BMPR2: variants seen among roughly 807,000 people sequenced by gnomAD.
BMPR2 encodes the protein bone morphogenetic protein receptor type-2.
In BMPR2, 29 loss-of-function variants were observed where a neutral mutation model predicts 100.8. That is an observed-to-expected ratio of 0.29 (90% CI 0.21 to 0.39). BMPR2 has a LOEUF of 0.39. Among genes scored for constraint, BMPR2 ranks in the 10% least tolerant of loss-of-function variants. The probability of loss-of-function intolerance (pLI) is 1.00; values close to 1 mark genes in which losing one functional copy is unlikely to be tolerated. For missense variants in BMPR2, 1,011 were observed against 1,274.5 expected (o/e 0.79, Z 3.15); for synonymous variants, 382 against 442.3 (o/e 0.86, Z 1.71).
intron 1 of BMPR2, among the ~76,000 whole-genome samples, chr2:202,448,392 A>G (rs1691899927): frequency 6.7e-6 from 1 of 149,774 alleles, no homozygotes; most frequent in Non-Finnish European, 1.5e-5. Flanking sequence ...GCTTGCAGTG[A>G]GCCGAGATTG....
At chr2:202,439,792 C>G (rs1005466857) in intron 1 of BMPR2, among the ~76,000 whole-genome samples, 3 of 142,524 alleles carry the variant, frequency 2.1e-5, no homozygotes, top group South Asian at 2.2e-4. Flanking sequence ...GGGTGTTTCT[C>G]GGAGAGGGGG....
chr2:202,380,947 C>A (rs1574417640), intron 1 of BMPR2, among the ~76,000 whole-genome samples: 1 of 114,256 alleles, frequency 8.8e-6, no homozygotes, highest in South Asian at 3.0e-4. Flanking sequence ...CTGGCCCTGG[C>A]CCTGGATTTC....
At chr2:202,471,175 G>T (rs1692430477) in intron 3 of BMPR2, among the ~76,000 whole-genome samples, 2 of 152,304 alleles carry the variant, frequency 1.3e-5, no homozygotes, top group Admixed American at 6.5e-5. Context: ...GGGTCAATTT[G>T]AGTGCTAAAC....
At chr2:202,488,255 TGTAATTATGCCA>T (rs1339504780) in intron 3 of BMPR2, among the ~76,000 whole-genome samples, 1 of 152,208 alleles carries the variant, frequency 6.6e-6, no homozygotes, top group Non-Finnish European at 1.5e-5. Context: ...ATTGGAATAT[TGTAATTATGCCA>T]ATAATTACAA....
At chr2:202,487,859 C>T (rs969181650) in intron 3 of BMPR2, among the ~76,000 whole-genome samples, 1 of 152,168 alleles carries the variant, frequency 6.6e-6, no homozygotes, top group Non-Finnish European at 1.5e-5. Flanking sequence ...TAGGGGTGCA[C>T]CACCAACACC....
In BMPR2 at chr2:202,549,788, GT is replaced by G. The variant is rs1264815171; in HGVS notation, c.1414-2924del. Among the ~76,000 whole-genome samples the G allele has an allele frequency of 4.6e-5, 7 of 151,970 alleles. No individual in the cohort carries two copies. The South Asian group carries it at 1.2e-3, about 27-fold the overall frequency. ...AAAGAAAAGAAAAAAGAAACTGCCA[GT>G]TTTCTAAAGTGGTTGTGCCATTTTA... On this transcript the variant is annotated intron_variant, in intron 10 of 12. Transcript: ENST00000374580.
intron 6 of BMPR2, 43 bp downstream of exon 6, chr2:202,519,095 CT>C (rs1468035318): frequency 1.9e-6 from 3 of 1,585,612 alleles, no homozygotes; most frequent in Admixed American, 1.7e-5. Context: ...GGTGTGGTGG[CT>C]TATGCCTGTA....
chr2:202,552,063 C>T (rs955132468), intron 10 of BMPR2, among the ~76,000 whole-genome samples: 1 of 152,138 alleles, frequency 6.6e-6, no homozygotes, highest in Non-Finnish European at 1.5e-5. Context: ...CTGTATTGGC[C>T]AGGCTGGTCT....
In BMPR2 at chr2:202,555,864, G is replaced by C. The variant is rs1688559061; in HGVS notation, c.2199G>C (p.Leu733Phe). 2 of 1,614,156 alleles carry C rather than the reference G, an allele frequency of 1.2e-6. No homozygotes were observed. The highest frequency in any genetic ancestry group is 1.7e-6 in the Non-Finnish European group (2 of 1,180,028). ...AGACTGCAAATGGCCAAGCATGTTT[G>C]ATTCCTGATGTTCTGCCTACTCAGA... Reference protein sequence around the residue: ...FTQTANGQACLIPDVLPTQIY... With the variant: ...FTQTANGQACFIPDVLPTQIY... Residue 733 changes from leucine to phenylalanine, a missense_variant, in exon 12 of 13, where the codon TTG becomes TTC. By Grantham distance (22) the Leu-to-Phe change is conservative. Transcript: ENST00000374580.
intron 1 of BMPR2, among the ~76,000 whole-genome samples, chr2:202,457,999 G>A (rs886674099): frequency 2.0e-5 from 3 of 152,122 alleles, no homozygotes; most frequent in Non-Finnish European, 4.4e-5. Flanking sequence ...CCAAAGTGCT[G>A]GGATTACAGG....
Position 202,560,035 on chromosome 2 carries a change from C to T in BMPR2, c.*89C>T. 2.6e-6 allele frequency: 4 copies of T among 1,538,610 alleles called. No homozygotes were observed. The highest frequency in any genetic ancestry group is 3.5e-6 in the Non-Finnish European group (4 of 1,129,968). ...AAAAATAAAAAAAAAACTGCTTTAT[C>T]CTCCTGTCAGCACCCCCTCCCACCC... On this transcript the variant is annotated 3_prime_UTR_variant, in exon 13 of 13. Transcript: ENST00000374580.
intron 3 of BMPR2, among the ~76,000 whole-genome samples, chr2:202,487,919 A>G (rs1692811832): frequency 1.3e-5 from 2 of 152,210 alleles, no homozygotes; most frequent in South Asian, 4.1e-4. Flanking sequence ...TATTTTGGCC[A>G]GGCTGGTCTT....
At chr2:202,398,369 A>T (rs1290006858) in intron 1 of BMPR2, among the ~76,000 whole-genome samples, 1 of 152,176 alleles carries the variant, frequency 6.6e-6, no homozygotes, top group Admixed American at 6.5e-5. Context: ...TTCTAATTGC[A>T]GGTGAAAACA....
At chr2:202,486,939 A>G (rs1468899106) in intron 3 of BMPR2, among the ~76,000 whole-genome samples, 1 of 152,136 alleles carries the variant, frequency 6.6e-6, no homozygotes, top group African/African-American at 2.4e-5. Flanking sequence ...CTGAGGTGGG[A>G]GGATCACCTG....
At position 202,561,873 on chromosome 2, in the gene BMPR2, G is replaced by A. The variant is rs1688683080; in HGVS notation, c.*1927G>A. On this transcript the variant is annotated 3_prime_UTR_variant, in exon 13 of 13. Coordinates refer to ENST00000374580, the MANE Select transcript of BMPR2 (RefSeq NM_001204.7). Reference sequence around the variant, plus strand: ...AGCTGGATTGCTGAACACAGTTCTGGATTCATAGAATTAAGAATATCTTGT... The same window carrying A: ...AGCTGGATTGCTGAACACAGTTCTGAATTCATAGAATTAAGAATATCTTGT... The A allele has an allele frequency of 6.6e-6, 1 of 152,028 alleles. No individual in the cohort carries two copies. The highest frequency in any genetic ancestry group is 1.9e-4 in the East Asian group (1 of 5,190). The allele number at this position is 152,028 out of a possible 1,614,324, so 9.4% of individuals were successfully genotyped here. A position where few individuals can be genotyped will look rare whatever the true frequency, so the allele number is the denominator to read the frequency against.
At chr2:202,508,074 T>C (rs1687559005) in intron 3 of BMPR2, among the ~76,000 whole-genome samples, 3 of 7,644 alleles carry the variant, frequency 3.9e-4, no homozygotes, top group Non-Finnish European at 7.2e-4. Context: ...TTGAGGCTAT[T>C]ATTATTATTA....
At chr2:202,412,541 G>T (rs1050105238) in intron 1 of BMPR2, among the ~76,000 whole-genome samples, 3 of 152,074 alleles carry the variant, frequency 2.0e-5, no homozygotes, top group African/African-American at 7.2e-5. Context: ...GGATGGTCTT[G>T]ATCTCCTGAC....
At chr2:202,501,545 C>T (rs545846109) in intron 3 of BMPR2, among the ~76,000 whole-genome samples, 1 of 152,314 alleles carries the variant, frequency 6.6e-6, no homozygotes, top group African/African-American at 2.4e-5. Context: ...GACAATCCCA[C>T]AACCAGTGGC....
intron 1 of BMPR2, among the ~76,000 whole-genome samples, chr2:202,392,848 C>T (rs763175984): frequency 4.5e-4 from 68 of 151,916 alleles, no homozygotes; most frequent in Non-Finnish European, 7.6e-4. Context: ...CAAAATTAGC[C>T]GGGCGTGGTG....
Sources: allele counts gnomAD v4.1 joint callset (sites outside exome capture counted in the v4.1 genomes callset), GRCh38; gene constraint gnomAD v4.1.1; transcripts MANE v1.5; gene names NCBI Gene and HGNC (gene_info 2026-07-23, HGNC 2026-07-21).